LZTFL1: variants seen among roughly 807,000 people sequenced by gnomAD.
The protein encoded by LZTFL1 is leucine zipper transcription factor-like protein 1.
LZTFL1 carries 25 observed loss-of-function variants against 45.9 expected under a neutral mutation model. The observed-to-expected ratio is 0.54, with a 90% CI of 0.40 to 0.76. The LOEUF (loss-of-function observed/expected upper bound fraction) is 0.76, where lower values mean the gene tolerates loss of function less well. LZTFL1 is among the 30% of genes least tolerant of loss of function. LZTFL1 has a pLI of 0.00. For missense variants in LZTFL1, 277 were observed against 331.1 expected, an observed-to-expected ratio of 0.84 and a Z score of 1.27; for synonymous variants, 93 against 117.4, an observed-to-expected ratio of 0.79 and a Z score of 1.35.
Position 45,901,289 on chromosome 3 carries a change from G to C in LZTFL1, c.-215+11831C>G, listed in dbSNP as rs370914315. On this transcript the variant is annotated intron_variant, in intron 2 of 4. Coordinates refer to the LZTFL1 transcript ENST00000472635. The surrounding 1 kb of genome is among the most constrained non-coding windows in gnomAD (Gnocchi z 4.3). The stretch of plus-strand genomic sequence containing the variant: ...AGAAAAGGCTTTTGTACAGCAAAAT[G>C]GTTTGCTTTACCATCTGGGTATTGG... 1.9e-6 allele frequency: 3 copies of C among 1,614,062 alleles called. No individual in the cohort carries two copies. The highest frequency in any genetic ancestry group is 2.7e-5 in the African/African-American group (2 of 74,924).
At chr3:45,905,354 C>T (rs1423335923) in intron 2 of LZTFL1, among the ~76,000 whole-genome samples, 1 of 152,316 alleles carries the variant, frequency 6.6e-6, no homozygotes, top group East Asian at 1.9e-4. Flanking sequence ...GAACAGACAA[C>T]CCAGACAGCT....
intron 2 of LZTFL1, among the ~76,000 whole-genome samples, chr3:45,837,140 C>T (rs1700986978): frequency 6.6e-6 from 1 of 152,156 alleles, no homozygotes; most frequent in Admixed American, 6.5e-5. Flanking sequence ...TTCATCTAGC[C>T]AGCAGAATTT....
intron 9 of LZTFL1, 121 bp from the exon 10 acceptor site, chr3:45,826,453 T>C (rs536263631): frequency 1.2e-6 from 1 of 819,520 alleles, no homozygotes; most frequent in Admixed American, 2.0e-5. Flanking sequence ...CGGTAGAAGT[T>C]GGACACATTC....
At chr3:45,853,632 C>A (rs552473507) in intron 4 of LZTFL1, among the ~76,000 whole-genome samples, 1 of 152,250 alleles carries the variant, frequency 6.6e-6, no homozygotes, top group African/African-American at 2.4e-5. Flanking sequence ...GCCCTTCTAC[C>A]TCTGCTAGGA....
intron 2 of LZTFL1, among the ~76,000 whole-genome samples, chr3:45,875,768 T>C (rs1207097751): frequency 6.6e-6 from 1 of 152,254 alleles, no homozygotes; most frequent in Non-Finnish European, 1.5e-5. Context: ...AATTGTGAAA[T>C]ATTGGACCAA....
chr3:45,827,994 C>A (rs982860623), intron 8 of LZTFL1, among the ~76,000 whole-genome samples: 1 of 152,120 alleles, frequency 6.6e-6, no homozygotes, highest in African/African-American at 2.4e-5. Context: ...CAAGCCACTG[C>A]ACCCGGCCTC....
At chr3:45,874,830 C>A (rs1701724785) in intron 2 of LZTFL1, among the ~76,000 whole-genome samples, 1 of 152,218 alleles carries the variant, frequency 6.6e-6, no homozygotes. Context: ...ACTTCTCTCT[C>A]TATAACCTTA....
chr3:45,840,154 T>TA (rs1389116768), intron 1 of LZTFL1, among the ~76,000 whole-genome samples: 2 of 152,184 alleles, frequency 1.3e-5, no homozygotes, highest in African/African-American at 2.4e-5. Context: ...CAAGGAAAGT[T>TA]AAGACTGTCC....
upstream of LZTFL1, among the ~76,000 whole-genome samples, chr3:45,844,471 T>A (rs1701187658): frequency 6.6e-6 from 1 of 152,018 alleles, no homozygotes; most frequent in Non-Finnish European, 1.5e-5. Context: ...AAATAGGTGA[T>A]ACACAGAAAA....
intron 2 of LZTFL1, among the ~76,000 whole-genome samples, chr3:45,906,497 G>A (rs1449924647): frequency 1.3e-5 from 2 of 150,906 alleles, no homozygotes; most frequent in Admixed American, 1.3e-4. Context: ...ACTTTGTGCT[G>A]AGGACCAGGG....
chr3:45,899,390 G>A (rs1702472652), intron 2 of LZTFL1, among the ~76,000 whole-genome samples: 1 of 152,132 alleles, frequency 6.6e-6, no homozygotes, highest in Admixed American at 6.5e-5. Context: ...GCTAACAGGA[G>A]GTAGAGAATA....
chr3:45,911,510 T>C (rs1173454847), intron 2 of LZTFL1, among the ~76,000 whole-genome samples: 1 of 152,246 alleles, frequency 6.6e-6, no homozygotes, highest in Non-Finnish European at 1.5e-5. Context: ...TTTCTGATTC[T>C]AGAACCCAAT....
intron 2 of LZTFL1, among the ~76,000 whole-genome samples, chr3:45,890,639 A>G (rs909207633): frequency 1.3e-5 from 2 of 151,954 alleles, no homozygotes; most frequent in Non-Finnish European, 2.9e-5. Flanking sequence ...AGAGCTGAAG[A>G]TGTCAGAACC....
At chr3:45,883,999 T>C (rs545574750) in intron 2 of LZTFL1, 12 of 284,532 alleles carry the variant, frequency 4.2e-5, no homozygotes, top group Non-Finnish European at 2.1e-5. Context: ...CTGGGGTAGG[T>C]TGGGTCCTGA....
chr3:45,828,345 T>C (rs543019870), intron 8 of LZTFL1, 94 bp downstream of exon 8: 12 of 1,067,480 alleles, frequency 1.1e-5, no homozygotes, highest in African/African-American at 4.7e-5. Context: ...GAATTTGCAG[T>C]TGTCCAACGT....
rs142155645 is a variant in LZTFL1, at chr3:45,830,660, T to G, written c.600+253A>C. Among the ~76,000 whole-genome samples the G allele has an allele frequency of 4.6e-5, 7 of 152,034 alleles. No homozygotes were observed. The East Asian group carries it at 9.6e-4, about 21-fold the overall frequency. ...CTTAAAAAATAAATGTGAGAATATC[T>G]TGCATGCCAGGGAAACTGCAGGTGT... On this transcript the variant is annotated intron_variant, in intron 7 of 9. Coordinates refer to ENST00000296135, the MANE Select transcript of LZTFL1 (RefSeq NM_020347.4).
chr3:45,835,486 C>G (rs991348768), intron 3 of LZTFL1, 104 bp downstream of exon 3: 7 of 1,116,480 alleles, frequency 6.3e-6, no homozygotes, highest in African/African-American at 1.6e-5. Context: ...CCCAAATTTC[C>G]TCACACACTA....
In LZTFL1 at chr3:45,903,680, G is replaced by A. The variant is rs73830611; in HGVS notation, c.-215+9440C>T. Among the ~76,000 whole-genome samples the A allele has an allele frequency of 3.2e-3, 492 of 152,368 alleles. 3 individuals are homozygous for A. Among genetic ancestry groups the A allele is most frequent in the African/African-American group, 0.011 (452 of 41,584 alleles). ...AGCAGACATGGGCAGCAGCCAGGGAGGGCGAAGGGGTGAAGCGCAGGCCTT... is the reference window on the plus strand; with the variant it reads ...AGCAGACATGGGCAGCAGCCAGGGAAGGCGAAGGGGTGAAGCGCAGGCCTT... On this transcript the variant is annotated intron_variant, in intron 2 of 4. Coordinates refer to the LZTFL1 transcript ENST00000472635.
intron 1 of LZTFL1, chr3:45,913,298 T>C: frequency 2.8e-6 from 2 of 701,934 alleles, no homozygotes; most frequent in Admixed American, 3.0e-5. Context: ...AACCTAAAGA[T>C]CCTTAACTTT....
Sources: gnomAD v4.1 joint callset for allele counts (sites outside exome capture counted in the v4.1 genomes callset) on GRCh38, gnomAD v4.1.1 for gene constraint, Gnocchi (gnomAD v3.1) non-coding constraint, MANE v1.5 for transcripts, NCBI Gene and HGNC (gene_info 2026-07-23, HGNC 2026-07-21) for gene names.